The following MSR1 variants were observed in gnomAD, a reference collection of about 807,000 sequenced individuals.
The protein encoded by MSR1 is macrophage scavenger receptor 1, also known as macrophage scavenger receptor types I and II.
MSR1 carries 53 observed loss-of-function variants against 47.2 expected under a neutral mutation model. The ratio of observed to expected loss-of-function variants is 1.12; its 90% CI spans 0.90 to 1.41. MSR1 has a LOEUF of 1.41. Among genes scored for constraint, MSR1 ranks in the 40% most tolerant of loss-of-function variants. The pLI, the probability that MSR1 is intolerant of heterozygous loss-of-function variation, is 0.00. For synonymous variants in MSR1, 239 were observed against 185.6 expected (o/e 1.29, Z -2.34); for missense variants, 786 against 546.9 (o/e 1.44, Z -4.36).
At chr8:16,138,808 G>A (rs1800454515) in intron 8 of MSR1, among the ~76,000 whole-genome samples, 2 of 152,150 alleles carry the variant, frequency 1.3e-5, no homozygotes, top group Non-Finnish European at 2.9e-5. Context: ...TAATAGTCAG[G>A]AGTATCTGAA....
At chr8:16,121,461 C>A (rs1047780602) in intron 8 of MSR1, among the ~76,000 whole-genome samples, 1 of 151,748 alleles carries the variant, frequency 6.6e-6, no homozygotes, top group Non-Finnish European at 1.5e-5. Context: ...GCACTTTGAC[C>A]TAGTGACAGA....
chr8:16,128,752 T>A (rs1291326944), intron 8 of MSR1, among the ~76,000 whole-genome samples: 1 of 152,182 alleles, frequency 6.6e-6, no homozygotes, highest in East Asian at 1.9e-4. Flanking sequence ...ATGTTGTGAT[T>A]TGAACACACT....
chr8:16,148,477 G>A (rs1403213515), intron 7 of MSR1, among the ~76,000 whole-genome samples: 1 of 100,210 alleles, frequency 1.0e-5, no homozygotes, highest in Non-Finnish European at 2.0e-5. Flanking sequence ...TTTTTTTTTT[G>A]AGTCAGGGTC....
intron 8 of MSR1, among the ~76,000 whole-genome samples, chr8:16,127,443 G>A (rs988199521): frequency 2.6e-5 from 4 of 152,100 alleles, no homozygotes; most frequent in African/African-American, 9.6e-5. Context: ...TTAGTGCCCT[G>A]GACCCTGCAT....
intron 9 of MSR1, among the ~76,000 whole-genome samples, chr8:16,116,299 C>T (rs1799874977): frequency 6.6e-6 from 1 of 152,126 alleles, no homozygotes; most frequent in Non-Finnish European, 1.5e-5. Flanking sequence ...AACACAATAA[C>T]CACAGCTAAA....
chr8:16,123,382 T>C (rs79864212), intron 8 of MSR1, among the ~76,000 whole-genome samples: 2,771 of 152,270 alleles, frequency 0.018, 83 homozygotes, highest in African/African-American at 0.063. Context: ...GTTCATTTTG[T>C]CATCAACCTT....
At chr8:16,149,670 T>C (rs907456570) in intron 7 of MSR1, among the ~76,000 whole-genome samples, 1 of 152,146 alleles carries the variant, frequency 6.6e-6, no homozygotes, top group Non-Finnish European at 1.5e-5. Flanking sequence ...TGTGTGTACA[T>C]TTCAAAATGC....
intron 1 of MSR1, among the ~76,000 whole-genome samples, chr8:16,186,724 TG>T (rs1375282541): frequency 1.5e-4 from 23 of 151,576 alleles, no homozygotes; most frequent in Admixed American, 1.5e-3. Context: ...CTTGACCTCC[TG>T]GGTTCAAGTG....
intron 8 of MSR1, among the ~76,000 whole-genome samples, chr8:16,125,297 C>T (rs1341261920): frequency 1.3e-5 from 2 of 152,142 alleles, no homozygotes; most frequent in African/African-American, 4.8e-5. Flanking sequence ...CTTGGGAAAT[C>T]TGCATGGGAA....
intron 3 of MSR1, among the ~76,000 whole-genome samples, chr8:16,173,407 A>T (rs1406268902): frequency 1.3e-5 from 2 of 152,224 alleles, no homozygotes; most frequent in Admixed American, 6.5e-5. Context: ...AATCCCAACA[A>T]TGAAGCATCA....
In MSR1 at chr8:16,120,888, G is replaced by GTTTGAA. The variant is rs773374243; in HGVS notation, c.1034-288_1034-283dup. 1.1e-3 allele frequency: 483 copies of GTTTGAA among 429,604 alleles called. 1 individual carries two copies. The highest frequency in any genetic ancestry group is 1.7e-3 in the Non-Finnish European group (402 of 238,354). 26.6% of individuals were successfully genotyped at this position (429,604 alleles called of 1,614,324 possible). ...CACGTCACAGATTATATTCCAACGA[G>GTTTGAA]TTTGAATTTTGACAGATACAAGTTT... On this transcript the variant is annotated intron_variant, in intron 8 of 9. Coordinates refer to ENST00000262101, the MANE Select transcript of MSR1 (RefSeq NM_138715.3).
chr8:16,157,059 G>C (rs550012921), intron 5 of MSR1, among the ~76,000 whole-genome samples: 3 of 152,110 alleles, frequency 2.0e-5, no homozygotes, highest in African/African-American at 7.2e-5. Context: ...CACAGGGATA[G>C]TAATCAAGGA....
chr8:16,150,733 T>C (rs150791714), intron 6 of MSR1, among the ~76,000 whole-genome samples: 4 of 152,152 alleles, frequency 2.6e-5, no homozygotes, highest in African/African-American at 9.6e-5. Flanking sequence ...ATGTAAAGTA[T>C]CAACGAGTGT....
intron 8 of MSR1, chr8:16,139,480 C>T: frequency 2.0e-6 from 2 of 983,356 alleles, no homozygotes; most frequent in Non-Finnish European, 2.4e-6. Flanking sequence ...TAGAGTTCTA[C>T]TAGAATCTTA....
Position 16,108,270 on chromosome 8 carries a change from A to G in MSR1, c.*1815T>C, listed in dbSNP as rs1360215505. ...GTAAATTTTATTTTAAAATAAAAATAGTAATAGTAATAGTACTATTATTAG... is the reference window on the plus strand; with the variant it reads ...GTAAATTTTATTTTAAAATAAAAATGGTAATAGTAATAGTACTATTATTAG... On this transcript the variant is annotated 3_prime_UTR_variant, in exon 10 of 10. Transcript: ENST00000262101. 6.6e-6 allele frequency: 1 copy of G among 150,930 alleles called. No homozygotes were observed. Among genetic ancestry groups the G allele is most frequent in the East Asian group, 1.9e-4 (1 of 5,130 alleles). 9.3% of individuals were successfully genotyped at this position (150,930 alleles called of 1,614,324 possible).
At chr8:16,191,255 C>T (rs1241863104) in intron 1 of MSR1, among the ~76,000 whole-genome samples, 2 of 152,166 alleles carry the variant, frequency 1.3e-5, no homozygotes, top group Non-Finnish European at 2.9e-5. Context: ...CCTGATGTCA[C>T]TGATATTCAT....
Position 16,109,637 on chromosome 8 carries a change from T to C in MSR1, c.*448A>G. 1 of 175,588 alleles carries C rather than the reference T, an allele frequency of 5.7e-6. No homozygotes were observed. The highest frequency in any genetic ancestry group is 1.2e-4 in the South Asian group (1 of 8,094). The allele number at this position is 175,588 out of a possible 1,614,324, so 10.9% of individuals were successfully genotyped here. ...AACAATATGTGTGGATTGGAGATTT[T>C]GCAATCTAGGCACAAAAGATATCTT... On this transcript the variant is annotated 3_prime_UTR_variant, in exon 10 of 10. Transcript: ENST00000262101.
intron 5 of MSR1, among the ~76,000 whole-genome samples, chr8:16,162,958 T>C (rs1393667891): frequency 6.6e-6 from 1 of 151,460 alleles, no homozygotes; most frequent in African/African-American, 2.4e-5. Flanking sequence ...AAAAATAAAG[T>C]AGAATAAACT....
chr8:16,126,375 C>T (rs1177053913), intron 8 of MSR1, among the ~76,000 whole-genome samples: 1 of 151,914 alleles, frequency 6.6e-6, no homozygotes, highest in Non-Finnish European at 1.5e-5. Context: ...TCATGATTTC[C>T]TTTTTGTATC....
Sources: gnomAD v4.1 joint callset for allele counts (sites outside exome capture counted in the v4.1 genomes callset) on GRCh38, gnomAD v4.1.1 for gene constraint, MANE v1.5 for transcripts, NCBI Gene and HGNC (gene_info 2026-07-23, HGNC 2026-07-21) for gene names.